Variants in PTPRM observed in about 807,000 individuals in gnomAD.
The protein encoded by PTPRM is protein tyrosine phosphatase receptor type M, also known as receptor-type tyrosine-protein phosphatase mu.
In PTPRM, 47 loss-of-function variants were observed where a neutral mutation model predicts 186.7. The ratio of observed to expected loss-of-function variants is 0.25; its 90% CI spans 0.20 to 0.32. PTPRM has a LOEUF of 0.32. Among genes scored for constraint, PTPRM ranks in the 10% least tolerant of loss-of-function variants. PTPRM has a pLI of 1.00. For synonymous variants in PTPRM, 668 were observed against 674.9 expected, an observed-to-expected ratio of 0.99 and a Z score of 0.16; for missense variants, 1,494 against 1,865.0, an observed-to-expected ratio of 0.80 and a Z score of 3.66.
At chr18:8,240,086 A>G (rs72911277) in intron 14 of PTPRM, among the ~76,000 whole-genome samples, 36,072 of 152,102 alleles carry the variant, frequency 0.24, 4,945 homozygotes, top group African/African-American at 0.37. Flanking sequence ...TAGTGTTCCA[A>G]GTTTTCACTT....
intron 1 of PTPRM, among the ~76,000 whole-genome samples, chr18:7,659,117 TACACACACACACACACAC>T (rs10541547): frequency 6.9e-6 from 1 of 143,916 alleles, no homozygotes; most frequent in African/African-American, 2.6e-5. Flanking sequence ...CACATGTATG[TACACACACACACACACAC>T]ACACACACAC....
At chr18:7,981,998 A>C (rs2082579332) in intron 7 of PTPRM, among the ~76,000 whole-genome samples, 1 of 152,192 alleles carries the variant, frequency 6.6e-6, no homozygotes, top group Admixed American at 6.5e-5. Flanking sequence ...CCTAGTGGTG[A>C]GTGAATATGA....
At chr18:7,972,664 T>A (rs1900949817) in intron 7 of PTPRM, among the ~76,000 whole-genome samples, 1 of 152,018 alleles carries the variant, frequency 6.6e-6, no homozygotes, top group Admixed American at 6.6e-5. Context: ...ATTTGAGTAA[T>A]GAATTCATGA....
chr18:8,275,010 G>A (rs2094817130), intron 19 of PTPRM, among the ~76,000 whole-genome samples: 1 of 152,146 alleles, frequency 6.6e-6, no homozygotes, highest in African/African-American at 2.4e-5. Flanking sequence ...ACCTGCAACT[G>A]GTAGATGCCG....
At chr18:8,212,734 G>T (rs1334326651) in intron 14 of PTPRM, among the ~76,000 whole-genome samples, 1 of 152,176 alleles carries the variant, frequency 6.6e-6, no homozygotes, top group Admixed American at 6.5e-5. Context: ...TTGAGCCTAG[G>T]ATTTCAAGGC....
chr18:8,388,923 T>C (rs549345283), intron 31 of PTPRM, among the ~76,000 whole-genome samples: 38 of 152,014 alleles, frequency 2.5e-4, no homozygotes, highest in Non-Finnish European at 5.0e-4. Context: ...ATGGCGCCAC[T>C]GCACTCCAGC....
rs2054576138 is a variant in PTPRM at position 7,972,253 on chromosome 18, T to C, written c.1132+16839T>C. Among the ~76,000 whole-genome samples, 13 of 131,606 alleles carry C rather than the reference T, an allele frequency of 9.9e-5. No individual in the cohort carries two copies. In the South Asian group the frequency reaches 2.9e-3, roughly 29 times the overall value. The allele number at this position is 131,606 out of a possible 152,430, so 86.3% of individuals were successfully genotyped here. On this transcript the variant is annotated intron_variant, in intron 7 of 32. Transcript: ENST00000580170. Reference sequence around the variant, plus strand: ...GCATATTCTCACGCATAGGTGGGAATTGAACAATGAGATCACATGGACACA... The same window carrying C: ...GCATATTCTCACGCATAGGTGGGAACTGAACAATGAGATCACATGGACACA...
At chr18:8,392,484 G>A (rs531467844) in intron 31 of PTPRM, among the ~76,000 whole-genome samples, 5 of 152,112 alleles carry the variant, frequency 3.3e-5, no homozygotes, top group Admixed American at 1.3e-4. Context: ...AAAATTAGCC[G>A]GGCATGGTGG....
intron 14 of PTPRM, among the ~76,000 whole-genome samples, chr18:8,167,822 G>A (rs1476739978): frequency 1.3e-5 from 2 of 152,248 alleles, no homozygotes; most frequent in Admixed American, 1.3e-4. Flanking sequence ...TGATACAGCA[G>A]TTCCTGTTCT....
At chr18:8,006,630 T>C (rs2084202963) in intron 7 of PTPRM, among the ~76,000 whole-genome samples, 1 of 152,196 alleles carries the variant, frequency 6.6e-6, no homozygotes, top group Non-Finnish European at 1.5e-5. Flanking sequence ...TGGGAGGATC[T>C]TATATTCCCA....
At chr18:7,990,805 T>C (rs2083228005) in intron 7 of PTPRM, among the ~76,000 whole-genome samples, 1 of 152,190 alleles carries the variant, frequency 6.6e-6, no homozygotes, top group South Asian at 2.1e-4. Context: ...TCAGCCCAGT[T>C]CTCTGTGTAT....
chr18:7,994,177 C>A lies in PTPRM; in HGVS notation c.1132+38763C>A, dbSNP rs115712177. Reference sequence around the variant, plus strand: ...GTCTTCAGTAGTTACTATACTTAGACAAACTAGAACTTTAAGTCAAAAAAC... The same window carrying A: ...GTCTTCAGTAGTTACTATACTTAGAAAAACTAGAACTTTAAGTCAAAAAAC... On this transcript the variant is annotated intron_variant, in intron 7 of 32. Transcript: ENST00000580170. 7.3e-3 allele frequency among the ~76,000 whole-genome samples: 1,109 copies of A among 151,830 alleles called. 11 individuals are homozygous for A. The highest frequency in any genetic ancestry group is 0.025 in the African/African-American group (1,030 of 41,424).
At chr18:8,316,183 G>C (rs1197156961) in intron 21 of PTPRM, among the ~76,000 whole-genome samples, 1 of 152,058 alleles carries the variant, frequency 6.6e-6, no homozygotes, top group African/African-American at 2.4e-5. Context: ...GAGGCTCCAG[G>C]GGACACCGTT....
chr18:7,923,047 C>T lies in PTPRM; in HGVS notation c.548-3521C>T, dbSNP rs139344008. ...TGCCAATAGCACTGCCTTTTAGTAG[C>T]ATAATTCTGCTGCGAGACACCAGGA... On this transcript the variant is annotated intron_variant, in intron 4 of 32. Coordinates refer to ENST00000580170, the MANE Select transcript of PTPRM (RefSeq NM_001105244.2). Among the ~76,000 whole-genome samples, 436 of 152,280 alleles carry T rather than the reference C, an allele frequency of 2.9e-3. 3 individuals carry two copies. Among genetic ancestry groups the T allele is most frequent in the African/African-American group, 9.9e-3 (413 of 41,548 alleles).
chr18:7,884,115 C>T (rs540585171), intron 2 of PTPRM, among the ~76,000 whole-genome samples: 1 of 152,152 alleles, frequency 6.6e-6, no homozygotes, highest in African/African-American at 2.4e-5. Context: ...CCACTGCACT[C>T]CAGCCTGGGG....
At chr18:8,316,412 C>G (rs768104302) in intron 21 of PTPRM, among the ~76,000 whole-genome samples, 3 of 152,106 alleles carry the variant, frequency 2.0e-5, no homozygotes, top group Non-Finnish European at 4.4e-5. Context: ...AGTGGAAATG[C>G]AGGAGAGAAG....
chr18:7,841,340 A>G (rs2046314538), intron 2 of PTPRM, among the ~76,000 whole-genome samples: 1 of 123,456 alleles, frequency 8.1e-6, no homozygotes, highest in South Asian at 2.4e-4. Context: ...CACCCAGGCT[A>G]GAGTGCAGTG....
intron 7 of PTPRM, among the ~76,000 whole-genome samples, chr18:8,048,101 C>T (rs1263483085): frequency 6.6e-6 from 1 of 152,032 alleles, no homozygotes; most frequent in Non-Finnish European, 1.5e-5. Flanking sequence ...CTCAGATTAC[C>T]TTAGGCTTGA....
chr18:7,726,117 A>G (rs2040543970), intron 1 of PTPRM, among the ~76,000 whole-genome samples: 1 of 152,140 alleles, frequency 6.6e-6, no homozygotes, highest in South Asian at 2.1e-4. Flanking sequence ...TGGAGCAGTC[A>G]GTGAGTAGAA....
Sources: allele counts gnomAD v4.1 joint callset (sites outside exome capture counted in the v4.1 genomes callset), GRCh38; gene constraint gnomAD v4.1.1; transcripts MANE v1.5; gene names NCBI Gene and HGNC (gene_info 2026-07-23, HGNC 2026-07-21).